The following MALSU1 variants were observed in gnomAD, a reference collection of about 807,000 sequenced individuals.
MALSU1 encodes mitochondrial assembly of ribosomal large subunit 1, also known as mitochondrial assembly of ribosomal large subunit protein 1.
A neutral mutation model predicts 22.1 loss-of-function variants in MALSU1; 22 were observed. The ratio of observed to expected loss-of-function variants is 1.00; its 90% CI spans 0.71 to 1.42. The LOEUF is 1.42. Ranked by LOEUF, MALSU1 falls within the 40% of genes most tolerant of loss-of-function variation. The probability of loss-of-function intolerance (pLI) is 0.00; values close to 1 mark genes in which losing one functional copy is unlikely to be tolerated. For missense variants in MALSU1, 379 were observed against 308.3 expected (o/e 1.23, Z -1.72); for synonymous variants, 153 against 118.5 (o/e 1.29, Z -1.89).
rs147835768 is a variant in MALSU1, at chr7:23,309,521, C to T, written c.683C>T (p.Pro228Leu). 7.4e-5 allele frequency: 118 copies of T among 1,602,414 alleles called. No homozygotes were observed. Among genetic ancestry groups the T allele is most frequent in the Middle Eastern group, 6.6e-4 (4 of 6,018 alleles). ...GAAGATGATACTTCATCTGTGACTC[C>T]AGTGGAGTTAAAATGTGAATAAAAT... is the stretch of plus-strand genomic sequence containing the variant. ...GIEDDTSSVT[P>L]VELKCE Residue 228 changes from proline to leucine, a missense_variant, in exon 4 of 4, where the codon CCA becomes CTA. Physicochemically the swap from Pro to Leu is moderately conservative, Grantham distance 98. Coordinates refer to ENST00000466681, the MANE Select transcript of MALSU1 (RefSeq NM_138446.2).
intron 2 of MALSU1, among the ~76,000 whole-genome samples, chr7:23,302,839 C>G (rs1423513627): frequency 6.6e-6 from 1 of 152,156 alleles, no homozygotes; most frequent in Non-Finnish European, 1.5e-5. Context: ...TGCAGTGGCT[C>G]GATCTCAGCT....
intron 3 of MALSU1, among the ~76,000 whole-genome samples, chr7:23,308,809 A>G (rs1783760102): frequency 6.6e-6 from 1 of 152,114 alleles, no homozygotes; most frequent in African/African-American, 2.4e-5. Flanking sequence ...GTAATTTTGC[A>G]TGTGGGGGAG....
rs1316937341 is a variant in MALSU1, at chr7:23,310,703, T to C, written c.*1160T>C. 6.6e-6 allele frequency: 1 copy of C among 152,222 alleles called. No homozygotes were observed. The highest frequency in any genetic ancestry group is 1.5e-5 in the Non-Finnish European group (1 of 68,038). 9.4% of individuals were successfully genotyped at this position (152,222 alleles called of 1,614,324 possible). A position where few individuals can be genotyped will look rare whatever the true frequency, so the allele number is the denominator to read the frequency against. ...TCAGAGAACATTAAGGAAAACACTT[T>C]AAATCATTTTCAAAATGTCTAATTG... On this transcript the variant is annotated 3_prime_UTR_variant, in exon 4 of 4. Transcript: ENST00000466681.
intron 2 of MALSU1, among the ~76,000 whole-genome samples, chr7:23,305,805 G>C (rs1783715297): frequency 6.6e-6 from 1 of 152,180 alleles, no homozygotes; most frequent in Admixed American, 6.5e-5. Context: ...TCCCATCCAT[G>C]AATATGAAGT....
intron 1 of MALSU1, among the ~76,000 whole-genome samples, chr7:23,299,976 C>T (rs1035216742): frequency 1.3e-5 from 2 of 151,976 alleles, no homozygotes; most frequent in African/African-American, 2.4e-5. Context: ...CGAAGGGGTG[C>T]GTAGGAAGCG....
intron 2 of MALSU1, among the ~76,000 whole-genome samples, chr7:23,303,168 C>T (rs927293279): frequency 4.6e-5 from 7 of 152,160 alleles, no homozygotes; most frequent in African/African-American, 1.4e-4. Context: ...TTTGCAAAAA[C>T]GAAACTCTGA....
intron 2 of MALSU1, among the ~76,000 whole-genome samples, chr7:23,303,483 T>C (rs974338288): frequency 2.6e-5 from 4 of 152,136 alleles, no homozygotes; most frequent in African/African-American, 9.7e-5. Context: ...ATAATGCTGG[T>C]ATAAATATGA....
At chr7:23,305,740 T>G (rs1169168416) in intron 2 of MALSU1, among the ~76,000 whole-genome samples, 4 of 152,224 alleles carry the variant, frequency 2.6e-5, no homozygotes, top group Non-Finnish European at 4.4e-5. Context: ...TGATATAGAT[T>G]GCACTGAATC....
At chr7:23,299,707 T>G in intron 1 of MALSU1, 99 bp downstream of exon 1, 1 of 1,351,130 alleles carries the variant, frequency 7.4e-7, no homozygotes, top group Non-Finnish European at 9.9e-7. Context: ...TGCATTTCTC[T>G]TGGAGTCACA....
intron 1 of MALSU1, among the ~76,000 whole-genome samples, chr7:23,300,256 C>T (rs1291013584): frequency 6.6e-6 from 1 of 152,108 alleles, no homozygotes. Context: ...GTTAATAACC[C>T]GGTGGTTTTA....
chr7:23,308,366 C>G (rs1389109105), intron 3 of MALSU1, among the ~76,000 whole-genome samples: 6 of 152,102 alleles, frequency 3.9e-5, no homozygotes, highest in Admixed American at 2.0e-4. Context: ...GAGCAGAAGA[C>G]TAGAATTTTG....
chr7:23,307,708 T>C, intron 2 of MALSU1, 160 bp from the exon 3 acceptor site: 2 of 563,580 alleles, frequency 3.5e-6, no homozygotes, highest in Admixed American at 3.3e-5. Context: ...GAGGGAGAAA[T>C]AGTTTCCCTA....
At position 23,309,561 on chromosome 7, in the gene MALSU1, G is replaced by T. The variant is rs748826537; in HGVS notation, c.*18G>T. On this transcript the variant is annotated 3_prime_UTR_variant, in exon 4 of 4. Coordinates refer to ENST00000466681, the MANE Select transcript of MALSU1 (RefSeq NM_138446.2). ...GTGAATAAAATATTTTATGCACTGC[G>T]TTAGTCATTTCAGATTTGGATTGAG... 13 of 1,560,764 alleles carry T rather than the reference G, an allele frequency of 8.3e-6. No individual in the cohort carries two copies. The Admixed American group carries it at 2.5e-4, about 30-fold the overall frequency.
chr7:23,311,699 A>AT lies in MALSU1; in HGVS notation c.*2162dup, dbSNP rs1783834064. ...CTGATTGCTGTTAAATTTTAAATTTATTTTTTAAAAAACGGTTGGACTTCT... is the reference window on the plus strand; with the variant it reads ...CTGATTGCTGTTAAATTTTAAATTTATTTTTTTAAAAAACGGTTGGACTTCT... On this transcript the variant is annotated 3_prime_UTR_variant, in exon 4 of 4. Coordinates refer to ENST00000466681, the MANE Select transcript of MALSU1 (RefSeq NM_138446.2). The AT allele has an allele frequency of 6.6e-6, 1 of 151,866 alleles. No individual in the cohort carries two copies. The highest frequency in any genetic ancestry group is 1.5e-5 in the Non-Finnish European group (1 of 67,744). The allele number at this position is 151,866 out of a possible 1,614,324, so 9.4% of individuals were successfully genotyped here.
chr7:23,305,066 A>G (rs1011120861), intron 2 of MALSU1, among the ~76,000 whole-genome samples: 1 of 152,050 alleles, frequency 6.6e-6, no homozygotes, highest in Admixed American at 6.6e-5. Flanking sequence ...TCCTGTTTAG[A>G]TATTTAACCC....
In MALSU1 at chr7:23,311,400, A is replaced by G. The variant is rs983305436; in HGVS notation, c.*1857A>G. 6.6e-6 allele frequency: 1 copy of G among 152,644 alleles called. No homozygotes were observed. Among genetic ancestry groups the G allele is most frequent in the African/African-American group, 2.4e-5 (1 of 41,452 alleles). 9.5% of individuals were successfully genotyped at this position (152,644 alleles called of 1,614,324 possible). A position where few individuals can be genotyped will look rare whatever the true frequency, so the allele number is the denominator to read the frequency against. ...CAAAGCATTTATTATGCATTCAATC[A>G]TGTAGCTAAACAAAAAACTGAAGTC... On this transcript the variant is annotated 3_prime_UTR_variant, in exon 4 of 4. Coordinates refer to ENST00000466681, the MANE Select transcript of MALSU1 (RefSeq NM_138446.2).
intron 2 of MALSU1, among the ~76,000 whole-genome samples, chr7:23,307,498 A>C (rs1246996972): frequency 2.0e-5 from 3 of 152,224 alleles, no homozygotes; most frequent in Non-Finnish European, 2.9e-5. Context: ...CTGGCTTTAT[A>C]AACAGAAGGT....
At chr7:23,306,063 G>A (rs1235735120) in intron 2 of MALSU1, among the ~76,000 whole-genome samples, 2 of 152,120 alleles carry the variant, frequency 1.3e-5, no homozygotes, top group African/African-American at 2.4e-5. Context: ...GCGTGGTGGC[G>A]CATGCCTGTA....
At chr7:23,308,837 G>A (rs897114059) in intron 3 of MALSU1, among the ~76,000 whole-genome samples, 2 of 152,062 alleles carry the variant, frequency 1.3e-5, no homozygotes, top group Non-Finnish European at 1.5e-5. Flanking sequence ...TCTTGTGCAC[G>A]GTACGATGTT....
Sources: allele counts gnomAD v4.1 joint callset (sites outside exome capture counted in the v4.1 genomes callset), GRCh38; gene constraint gnomAD v4.1.1; transcripts MANE v1.5; gene names NCBI Gene and HGNC (gene_info 2026-07-23, HGNC 2026-07-21).